Variants in TTC29 observed in about 807,000 individuals in gnomAD.
TTC29 encodes tetratricopeptide repeat protein 29.
In TTC29, 49 loss-of-function variants were observed where a neutral mutation model predicts 58.1. That is an observed-to-expected ratio of 0.84 (90% CI 0.67 to 1.07). The LOEUF (loss-of-function observed/expected upper bound fraction) is 1.07, where lower values mean the gene tolerates loss of function less well. Ranked by LOEUF, TTC29 falls within the 50% of genes least tolerant of loss-of-function variation. TTC29 has a pLI of 0.00. For missense variants in TTC29, 582 were observed against 555.6 expected (o/e 1.05, Z -0.48); for synonymous variants, 209 against 196.8 (o/e 1.06, Z -0.52).
chr4:146,837,146 T>C (rs763696911), intron 8 of TTC29, among the ~76,000 whole-genome samples: 7 of 152,128 alleles, frequency 4.6e-5, no homozygotes, highest in South Asian at 2.1e-4. Flanking sequence ...ATATACACCA[T>C]AGAATACTAT....
chr4:146,915,328 T>A (rs1035032130), intron 4 of TTC29, among the ~76,000 whole-genome samples: 7 of 152,138 alleles, frequency 4.6e-5, no homozygotes, highest in African/African-American at 1.7e-4. Flanking sequence ...ACAATTATGA[T>A]GCAATCTTTC....
chr4:146,881,155 A>G lies in TTC29; in HGVS notation c.587-6227T>C, dbSNP rs902468979. Among the ~76,000 whole-genome samples, 3 of 152,144 alleles carry G rather than the reference A, an allele frequency of 2.0e-5. No individual in the cohort carries two copies. In the South Asian group the frequency reaches 6.2e-4, roughly 31 times the overall value. On this transcript the variant is annotated intron_variant, in intron 6 of 12. Transcript: ENST00000325106. ...GCTGCTGGTATTGTTCAGGTAATTT[A>G]AAATGTCACAATCTCTAAGACGCAT...
chr4:146,717,098 A>G (rs1333131431), intron 11 of TTC29, among the ~76,000 whole-genome samples: 2 of 152,164 alleles, frequency 1.3e-5, no homozygotes, highest in African/African-American at 4.8e-5. Flanking sequence ...TTATGGATTT[A>G]TATTTAACTA....
At chr4:146,889,546 C>T (rs1732213081) in intron 6 of TTC29, among the ~76,000 whole-genome samples, 1 of 152,070 alleles carries the variant, frequency 6.6e-6, no homozygotes, top group African/African-American at 2.4e-5. Context: ...ATAGCACTTA[C>T]ATCTCTATTA....
At chr4:146,824,696 T>G (rs1401329546) in intron 9 of TTC29, among the ~76,000 whole-genome samples, 3 of 152,112 alleles carry the variant, frequency 2.0e-5, no homozygotes, top group Non-Finnish European at 2.9e-5. Context: ...CCTCTTCATA[T>G]ATCTGGCAGA....
intron 4 of TTC29, among the ~76,000 whole-genome samples, chr4:146,913,236 A>G (rs1305831339): frequency 6.6e-6 from 1 of 152,168 alleles, no homozygotes; most frequent in African/African-American, 2.4e-5. Flanking sequence ...AAAATTATAA[A>G]TAGATAAAAA....
At chr4:146,803,343 G>T in intron 11 of TTC29, 114 bp downstream of exon 11, 1 of 769,920 alleles carries the variant, frequency 1.3e-6, no homozygotes, top group Non-Finnish European at 2.1e-6. Flanking sequence ...CCATAAAATT[G>T]AAATTACCAA....
At chr4:146,780,800 G>A (rs1748538597) in intron 11 of TTC29, among the ~76,000 whole-genome samples, 1 of 151,946 alleles carries the variant, frequency 6.6e-6, no homozygotes, top group African/African-American at 2.4e-5. Flanking sequence ...ATAAAATGGA[G>A]AATCAGAGAG....
chr4:146,840,341 T>C (rs1347386165), intron 8 of TTC29, among the ~76,000 whole-genome samples: 1 of 152,040 alleles, frequency 6.6e-6, no homozygotes, highest in East Asian at 1.9e-4. Context: ...TTCCACCTTG[T>C]TATCACTTTC....
intron 11 of TTC29, among the ~76,000 whole-genome samples, chr4:146,728,632 A>G (rs1743970967): frequency 6.7e-6 from 1 of 149,466 alleles, no homozygotes; most frequent in Non-Finnish European, 1.5e-5. Flanking sequence ...ATAACATTTT[A>G]CTTTTACTAC....
At chr4:146,862,590 G>A (rs998769839) in intron 8 of TTC29, among the ~76,000 whole-genome samples, 20 of 152,176 alleles carry the variant, frequency 1.3e-4, no homozygotes, top group Non-Finnish European at 2.5e-4. Context: ...TCAAAGCAAA[G>A]CTCTGTTCAA....
At chr4:146,788,269 G>C (rs185397218) in intron 11 of TTC29, among the ~76,000 whole-genome samples, 5 of 152,302 alleles carry the variant, frequency 3.3e-5, no homozygotes, top group Non-Finnish European at 7.3e-5. Context: ...TTGACATACA[G>C]TCATATGTCA....
intron 11 of TTC29, among the ~76,000 whole-genome samples, chr4:146,793,838 C>T (rs1749645166): frequency 6.6e-6 from 1 of 152,126 alleles, no homozygotes; most frequent in African/African-American, 2.4e-5. Context: ...CAGCATTATG[C>T]ATGATTACCT....
chr4:146,763,770 A>C (rs1345680629), intron 11 of TTC29: 2 of 152,102 alleles, frequency 1.3e-5, no homozygotes, highest in East Asian at 3.9e-4. Flanking sequence ...TGAGTTCTGA[A>C]AGTGGAAGTC....
At chr4:146,848,723 A>G (rs544132222) in intron 8 of TTC29, among the ~76,000 whole-genome samples, 1 of 152,314 alleles carries the variant, frequency 6.6e-6, no homozygotes, top group East Asian at 1.9e-4. Flanking sequence ...AACAGTAGAG[A>G]ACATTGCCAG....
intron 8 of TTC29, among the ~76,000 whole-genome samples, chr4:146,861,095 A>G (rs888593621): frequency 2.6e-5 from 4 of 152,192 alleles, no homozygotes; most frequent in Non-Finnish European, 5.9e-5. Flanking sequence ...AAGATTGAAT[A>G]AAGTTGGTGT....
At chr4:146,838,972 T>G (rs752984139) in intron 8 of TTC29, among the ~76,000 whole-genome samples, 1 of 152,004 alleles carries the variant, frequency 6.6e-6, no homozygotes, top group African/African-American at 2.4e-5. Flanking sequence ...TAGATGGAAC[T>G]GTCCCCTGAC....
At chr4:146,903,074 T>G (rs2150270900) in intron 6 of TTC29, among the ~76,000 whole-genome samples, 1 of 152,338 alleles carries the variant, frequency 6.6e-6, no homozygotes, top group African/African-American at 2.4e-5. Context: ...TTTTAGATTT[T>G]GGCTTGTCTT....
At chr4:146,776,578 C>G (rs1000877996) in intron 11 of TTC29, among the ~76,000 whole-genome samples, 2 of 152,120 alleles carry the variant, frequency 1.3e-5, no homozygotes, top group Non-Finnish European at 2.9e-5. Flanking sequence ...TCTGCATGCT[C>G]CAACTATGGA....
Sources: gnomAD v4.1 joint callset for allele counts (sites outside exome capture counted in the v4.1 genomes callset) on GRCh38, gnomAD v4.1.1 for gene constraint, MANE v1.5 for transcripts, NCBI Gene and HGNC (gene_info 2026-07-23, HGNC 2026-07-21) for gene names.